The following ACTR3C variants were observed in gnomAD, a reference collection of about 807,000 sequenced individuals.
ACTR3C encodes the protein actin-related protein 3C.
ACTR3C carries 18 observed loss-of-function variants against 26.3 expected under a neutral mutation model. The observed-to-expected ratio is 0.68, with a 90% CI of 0.47 to 1.01. The LOEUF is 1.01. Ranked by LOEUF, ACTR3C falls within the 50% of genes least tolerant of loss-of-function variation. The pLI, the probability that ACTR3C is intolerant of heterozygous loss-of-function variation, is 0.00. For synonymous variants in ACTR3C, 55 were observed against 94.5 expected (o/e 0.58, Z 2.42); for missense variants, 184 against 250.7 (o/e 0.73, Z 1.80).
At chr7:150,231,198 G>T in the ACTR3C span, among the ~76,000 whole-genome samples, 1 of 151,932 alleles carries the variant, frequency 6.6e-6, no homozygotes, top group Non-Finnish European at 1.5e-5. Context: ...TAGATCGTGC[G>T]ATATTTAGAA....
At chr7:150,234,532 G>A in the ACTR3C span, among the ~76,000 whole-genome samples, 4 of 152,160 alleles carry the variant, frequency 2.6e-5, no homozygotes, top group South Asian at 4.2e-4. Context: ...CCAAGAGTGT[G>A]ACCCCAGGAG....
At chr7:150,253,384 T>A (rs1832979712) in intron 6 of ACTR3C, among the ~76,000 whole-genome samples, 1 of 152,224 alleles carries the variant, frequency 6.6e-6, no homozygotes, top group Admixed American at 6.5e-5. Context: ...TGAAGCTGTT[T>A]GGGGTTTTTG....
the ACTR3C span, among the ~76,000 whole-genome samples, chr7:149,987,741 AT>A: frequency 6.7e-6 from 1 of 149,562 alleles, no homozygotes; most frequent in Non-Finnish European, 1.5e-5. Flanking sequence ...CCTCGAAATC[AT>A]TCAGGATGCA....
chr7:150,141,522 AC>A, the ACTR3C span, among the ~76,000 whole-genome samples: 175 of 150,932 alleles, frequency 1.2e-3, no homozygotes, highest in Non-Finnish European at 2.1e-3. Flanking sequence ...TGCTATTTAT[AC>A]AACAGAAAAA....
chr7:149,923,203 A>G, the ACTR3C span, among the ~76,000 whole-genome samples: 1 of 125,626 alleles, frequency 8.0e-6, no homozygotes, highest in Non-Finnish European at 1.8e-5. Context: ...GCAAAAGATT[A>G]TGTTTAAATA....
At chr7:150,195,490 A>G in the ACTR3C span, among the ~76,000 whole-genome samples, 4 of 152,122 alleles carry the variant, frequency 2.6e-5, no homozygotes, top group South Asian at 2.1e-4. Context: ...CTTTTTGTCT[A>G]ACAAAGTCTT....
At chr7:150,100,667 A>G in the ACTR3C span, among the ~76,000 whole-genome samples, 1 of 151,028 alleles carries the variant, frequency 6.6e-6, no homozygotes, top group African/African-American at 2.5e-5. Context: ...TATCTTATAT[A>G]TATATTTTCC....
the ACTR3C span, among the ~76,000 whole-genome samples, chr7:149,976,808 G>A: frequency 2.6e-5 from 4 of 152,178 alleles, no homozygotes; most frequent in Non-Finnish European, 4.4e-5. Context: ...CAGGAATGGT[G>A]TGAGGTGCTA....
At chr7:150,198,807 G>A in the ACTR3C span, among the ~76,000 whole-genome samples, 3 of 148,114 alleles carry the variant, frequency 2.0e-5, no homozygotes, top group South Asian at 4.3e-4. Context: ...GGGAGGTGGG[G>A]GGGTCAGCCC....
At chr7:149,937,127 A>AATATAG in the ACTR3C span, among the ~76,000 whole-genome samples, 19 of 150,890 alleles carry the variant, frequency 1.3e-4, no homozygotes, top group East Asian at 3.7e-3. Context: ...ACATATTACC[A>AATATAG]ACTAATAGTG....
At chr7:150,011,454 G>A in the ACTR3C span, among the ~76,000 whole-genome samples, 9 of 152,120 alleles carry the variant, frequency 5.9e-5, no homozygotes, top group African/African-American at 2.2e-4. Context: ...GCATGATGGT[G>A]AGCGCCTGTT....
chr7:149,913,413 T>C, the ACTR3C span, among the ~76,000 whole-genome samples: 1 of 152,140 alleles, frequency 6.6e-6, no homozygotes, highest in Admixed American at 6.5e-5. Context: ...CGGGTGGACA[T>C]GGCCCAGGTC....
chr7:150,153,002 T>C, the ACTR3C span, among the ~76,000 whole-genome samples: 2 of 152,222 alleles, frequency 1.3e-5, no homozygotes, highest in East Asian at 3.8e-4. Flanking sequence ...TATCATTTTT[T>C]ATTGCATCTA....
the ACTR3C span, among the ~76,000 whole-genome samples, chr7:150,226,415 C>T: frequency 1.3e-5 from 2 of 151,772 alleles, no homozygotes; most frequent in Admixed American, 6.6e-5. Context: ...TGTAATAGTA[C>T]CTCATTGCTT....
the ACTR3C span, among the ~76,000 whole-genome samples, chr7:150,037,002 C>CGT: frequency 2.4e-4 from 17 of 70,526 alleles, no homozygotes; most frequent in Admixed American, 6.0e-4. Context: ...CTCCGCCCCC[C>CGT]TGCGATGGGG....
chr7:150,127,166 ACACACACACACACACACACACACG>A, the ACTR3C span, among the ~76,000 whole-genome samples: 1 of 114,644 alleles, frequency 8.7e-6, no homozygotes. Flanking sequence ...ACACACACAC[ACACACACACACACACACACACACG>A]AGCGATGGTG....
the ACTR3C span, among the ~76,000 whole-genome samples, chr7:149,897,290 C>T: frequency 7.1e-4 from 108 of 152,224 alleles, 1 homozygote; most frequent in African/African-American, 2.5e-3. Context: ...AGAAGCTAAA[C>T]AAACATAATA....
At chr7:150,286,725 A>C (rs1359027862) in intron 4 of ACTR3C, among the ~76,000 whole-genome samples, 185 bp from the exon 5 acceptor site, 1 of 151,380 alleles carries the variant, frequency 6.6e-6, no homozygotes, top group Non-Finnish European at 1.5e-5. Context: ...ACATGGTTAC[A>C]CTTGGACTTC....
At chr7:150,283,705 T>A (rs1835526556) in intron 6 of ACTR3C, among the ~76,000 whole-genome samples, 1 of 152,084 alleles carries the variant, frequency 6.6e-6, no homozygotes, top group Non-Finnish European at 1.5e-5. Context: ...TCATTCTTTT[T>A]AAAAGCTACA....
Sources: gnomAD v4.1 joint callset for allele counts (sites outside exome capture counted in the v4.1 genomes callset) on GRCh38, gnomAD v4.1.1 for gene constraint, MANE v1.5 for transcripts, NCBI Gene and HGNC (gene_info 2026-07-23, HGNC 2026-07-21) for gene names.